STARD9: variants seen among roughly 807,000 people sequenced by gnomAD.
STARD9 encodes the protein StAR related lipid transfer domain containing 9, also known as stAR-related lipid transfer protein 9.
A neutral mutation model predicts 399.8 loss-of-function variants in STARD9; 346 were observed. The observed-to-expected ratio is 0.87, with a 90% CI of 0.79 to 0.95. The LOEUF (loss-of-function observed/expected upper bound fraction) is 0.95, where lower values mean the gene tolerates loss of function less well. Among genes scored for constraint, STARD9 ranks in the 40% least tolerant of loss-of-function variants. The probability of loss-of-function intolerance (pLI) is 0.00; values close to 1 mark genes in which losing one functional copy is unlikely to be tolerated. For missense variants in STARD9, 5,832 were observed against 5,667.5 expected, an observed-to-expected ratio of 1.03 and a Z score of -0.93; for synonymous variants, 2,203 against 2,143.5, an observed-to-expected ratio of 1.03 and a Z score of -0.77.
chr15:42,685,219 T>G lies in STARD9; in HGVS notation c.3641T>G (p.Leu1214Arg), dbSNP rs1566934850. The G allele has an allele frequency of 6.5e-7, 1 of 1,537,196 alleles. No homozygotes were observed. The highest frequency in any genetic ancestry group is 1.2e-5 in the South Asian group (1 of 84,056). ...AGCCTGATTGATGCAGAGGAAGAAC[T>G]GGGGGAAGATCAGCAAGAAGAACCT... The part of the protein sequence containing the change: ...LDSLIDAEEE[L>R]GEDQQEEPFP... The change falls in exon 23 of 33, where the codon CTG (leucine) becomes CGG (arginine). Residue 1214 changes from leucine to arginine, a missense_variant. By Grantham distance (102) the Leu-to-Arg change is moderately radical. Around this residue, in one of 2 missense-constraint regions of STARD9, gnomAD observed 5,828 missense variants for 5,651.1 expected, o/e 1.03. Transcript: ENST00000290607.
intron 26 of STARD9, among the ~76,000 whole-genome samples, chr15:42,711,716 C>T (rs1394716998): frequency 6.6e-6 from 1 of 152,014 alleles, no homozygotes; most frequent in Non-Finnish European, 1.5e-5. Context: ...TTTATTTATC[C>T]ATTCTTCAGT....
chr15:42,720,132 T>C lies in STARD9; in HGVS notation c.*558T>C, dbSNP rs1159760654. The C allele has an allele frequency of 6.6e-6, 1 of 152,432 alleles. No homozygotes were observed. Among genetic ancestry groups the C allele is most frequent in the Non-Finnish European group, 1.5e-5 (1 of 68,178 alleles). 9.4% of individuals were successfully genotyped at this position (152,432 alleles called of 1,614,324 possible). On this transcript the variant is annotated 3_prime_UTR_variant, in exon 33 of 33. Coordinates refer to ENST00000290607, the MANE Select transcript of STARD9 (RefSeq NM_020759.3). ...AGAATCTTTTCTCCCTCTTGAGTTT[T>C]TGCAAAATACTTTATTATTGATTTT...
intron 3 of STARD9, among the ~76,000 whole-genome samples, chr15:42,616,951 ATGTAT>A (rs1313206495): frequency 2.0e-5 from 3 of 152,140 alleles, no homozygotes; most frequent in Non-Finnish European, 2.9e-5. Flanking sequence ...TACTTCATAA[ATGTAT>A]TGTAAGGATT....
intron 3 of STARD9, among the ~76,000 whole-genome samples, chr15:42,611,509 A>G (rs1345981367): frequency 6.6e-6 from 1 of 152,222 alleles, no homozygotes; most frequent in Non-Finnish European, 1.5e-5. Context: ...TCCTTTAGAC[A>G]GAGACACAGC....
rs1159791939 is a variant in STARD9, at chr15:42,687,032, G to A, written c.5454G>A (p.Glu1818=). The A allele has an allele frequency of 6.5e-7, 1 of 1,536,986 alleles. No homozygotes were observed. The highest frequency in any genetic ancestry group is 1.4e-5 in the African/African-American group (1 of 73,020). The change falls in exon 23 of 33, where the codon GAG becomes GAA. Residue 1818 remains glutamate, a synonymous_variant. Coordinates refer to ENST00000290607, the MANE Select transcript of STARD9 (RefSeq NM_020759.3). ...CCTCATCTCAGCAGGTCACAGCTGA[G>A]ATACCAGTTGATCTGAATACCAGGG... is the stretch of plus-strand genomic sequence containing the variant. ...KIASSQQVTA[E]IPVDLNTREV...
intron 3 of STARD9, among the ~76,000 whole-genome samples, chr15:42,621,393 A>G (rs1053790407): frequency 1.3e-5 from 2 of 152,116 alleles, no homozygotes; most frequent in South Asian, 2.1e-4. Context: ...ATCATTGCTT[A>G]TTGTGTTAAA....
chr15:42,581,568 G>T, intron 1 of STARD9: 1 of 970,114 alleles, frequency 1.0e-6, no homozygotes, highest in South Asian at 1.4e-5. Flanking sequence ...CCTAGGGCGG[G>T]TGGAAAAGCG....
chr15:42,686,947 A>G lies in STARD9; in HGVS notation c.5369A>G (p.Gln1790Arg), dbSNP rs1566938053. The G allele has an allele frequency of 2.0e-6, 3 of 1,536,686 alleles. No individual in the cohort carries two copies. Among genetic ancestry groups the G allele is most frequent in the Non-Finnish European group, 2.6e-6 (3 of 1,146,830 alleles). The part of the protein sequence containing the change: ...WGFGHNHQAL[Q>R]GAYLKNNLPV... ...TTTGGTCACAACCACCAAGCTCTCCAAGGTGCTTATTTGAAGAATAATTTG... is the reference window on the plus strand; with the variant it reads ...TTTGGTCACAACCACCAAGCTCTCCGAGGTGCTTATTTGAAGAATAATTTG... Residue 1790 changes from glutamine to arginine, a missense_variant, in exon 23 of 33, where the codon CAA (glutamine) becomes CGA (arginine). Physicochemically the swap from Gln to Arg is conservative, Grantham distance 43. Around this residue, in one of 2 missense-constraint regions of STARD9, gnomAD observed 5,828 missense variants for 5,651.1 expected, o/e 1.03. Transcript: ENST00000290607.
chr15:42,622,341 C>G (rs941519507), intron 3 of STARD9, among the ~76,000 whole-genome samples: 1 of 152,006 alleles, frequency 6.6e-6, no homozygotes, highest in Non-Finnish European at 1.5e-5. Context: ...GTAGCTCGCT[C>G]TCTCTCTCCC....
intron 26 of STARD9, among the ~76,000 whole-genome samples, chr15:42,709,136 C>G (rs74477058): frequency 0.057 from 8,689 of 152,110 alleles, 545 homozygotes; most frequent in African/African-American, 0.17. Flanking sequence ...TGGCTGACGC[C>G]TGTAATCCCA....
chr15:42,642,311 A>AAG (rs1438916943), intron 7 of STARD9, among the ~76,000 whole-genome samples: 1 of 152,240 alleles, frequency 6.6e-6, no homozygotes, highest in Non-Finnish European at 1.5e-5. Context: ...AAGAAAGGAA[A>AAG]AGAGTAGCCT....
intron 7 of STARD9, among the ~76,000 whole-genome samples, chr15:42,644,442 A>G (rs1007788004): frequency 2.6e-5 from 4 of 152,116 alleles, no homozygotes; most frequent in Non-Finnish European, 5.9e-5. Context: ...GCAGTGAGCC[A>G]GGATCACGCC....
chr15:42,582,620 A>G (rs896376196), intron 1 of STARD9, among the ~76,000 whole-genome samples: 8 of 152,082 alleles, frequency 5.3e-5, no homozygotes, highest in African/African-American at 1.9e-4. Context: ...TTTTTTGTCA[A>G]TATCCATGCC....
chr15:42,617,844 C>T (rs2059002346), intron 3 of STARD9, among the ~76,000 whole-genome samples: 1 of 152,114 alleles, frequency 6.6e-6, no homozygotes, highest in South Asian at 2.1e-4. Context: ...GCCTCAACGT[C>T]CCAGGCTCAA....
At position 42,682,744 on chromosome 15, in the gene STARD9, T is replaced by C. The variant is rs2060461823; in HGVS notation, c.2537+169T>C. Among the ~76,000 whole-genome samples, 6 of 152,338 alleles carry C rather than the reference T, an allele frequency of 3.9e-5. 1 individual carries two copies. In the South Asian group the frequency reaches 1.2e-3, roughly 32 times the overall value. ...TTTCCATCTTCTGGTTACTCTTCTT[T>C]CTGTGTATATCGTTTTAGATTCAGG... On this transcript the variant is annotated intron_variant, in intron 22 of 32. Coordinates refer to ENST00000290607, the MANE Select transcript of STARD9 (RefSeq NM_020759.3).
chr15:42,646,731 A>C (rs906172896), intron 7 of STARD9, among the ~76,000 whole-genome samples: 5 of 152,200 alleles, frequency 3.3e-5, no homozygotes, highest in Non-Finnish European at 7.3e-5. Context: ...TTCCTTCAAG[A>C]ACTTTTCCTT....
chr15:42,716,749 A>G lies in STARD9; in HGVS notation c.13357A>G (p.Lys4453Glu), dbSNP rs151016272. 1 of 1,536,712 alleles carries G rather than the reference A, an allele frequency of 6.5e-7. No individual in the cohort carries two copies. Among genetic ancestry groups the G allele is most frequent in the Non-Finnish European group, 8.7e-7 (1 of 1,146,408 alleles). Residue 4453 changes from lysine (K) to glutamate (E), a missense_variant, in exon 27 of 33, where the codon AAG becomes GAG. Physicochemically the swap from Lys to Glu is moderately conservative, Grantham distance 56 (BLOSUM62 1). Coordinates refer to ENST00000290607, the MANE Select transcript of STARD9 (RefSeq NM_020759.3). ...GCGAGGAGGCCATTCTGCAGTGAGG[A>G]AGAACTCTGCCTACAGTGAGTTGCG... ...DERGGHSAVR[K>E]NSAYSHRASL...
In STARD9 at chr15:42,689,247, C is replaced by T. The variant is rs1479616173; in HGVS notation, c.7669C>T (p.Gln2557Ter). 8 of 1,537,270 alleles carry T rather than the reference C, an allele frequency of 5.2e-6. No individual in the cohort carries two copies. The South Asian group carries it at 8.3e-5, about 16-fold the overall frequency. Residue 2557 changes from glutamine (Q) to a stop codon, truncating the protein, a stop_gained, in exon 23 of 33, where the codon CAG (glutamine) becomes TAG (stop). Transcript: ENST00000290607. LOFTEE classifies it high-confidence loss of function. ...MCLAILEEIRQAKAQRKQLHD... is the reference protein window; with the variant it reads ...MCLAILEEIR Reference sequence around the variant, plus strand: ...CCTGGCCATCTTGGAGGAGATCAGACAGGCAAAGGCCCAGAGAAAGCAGCT... The same window carrying T: ...CCTGGCCATCTTGGAGGAGATCAGATAGGCAAAGGCCCAGAGAAAGCAGCT...
Position 42,688,554 on chromosome 15 carries a change from C to T in STARD9, c.6976C>T (p.Pro2326Ser). 1 of 1,537,796 alleles carries T rather than the reference C, an allele frequency of 6.5e-7. No individual in the cohort carries two copies. Among genetic ancestry groups the T allele is most frequent in the Non-Finnish European group, 8.7e-7 (1 of 1,147,048 alleles). The change falls in exon 23 of 33, where the codon CCT becomes TCT. Residue 2326 changes from proline (P) to serine (S), a missense_variant. By Grantham distance (74) the Pro-to-Ser change is moderately conservative (BLOSUM62 -1). This residue lies in a region of STARD9 where 5,828 missense variants were observed against 5,651.1 expected (regional missense o/e 1.03). Coordinates refer to ENST00000290607, the MANE Select transcript of STARD9 (RefSeq NM_020759.3). ...LLSRTEFCTAPLHQDLSNTLP... is the reference protein window; with the variant it reads ...LLSRTEFCTASLHQDLSNTLP... ...AAGCCGGACAGAATTCTGTACAGCT[C>T]CTCTTCACCAAGACCTGAGTAATAC...
Sources: allele counts gnomAD v4.1 joint callset (sites outside exome capture counted in the v4.1 genomes callset), GRCh38; gene constraint gnomAD v4.1.1; regional missense constraint gnomAD v4.1.1; transcripts MANE v1.5; gene names NCBI Gene and HGNC (gene_info 2026-07-23, HGNC 2026-07-21).